Variants in PTPRD observed in about 807,000 individuals in gnomAD.
PTPRD encodes receptor-type tyrosine-protein phosphatase delta.
A neutral mutation model predicts 214.5 loss-of-function variants in PTPRD; 34 were observed. The observed-to-expected ratio is 0.16, with a 90% CI of 0.12 to 0.21. The LOEUF (loss-of-function observed/expected upper bound fraction) is 0.21, where lower values mean the gene tolerates loss of function less well. Among genes scored for constraint, PTPRD ranks in the 10% least tolerant of loss-of-function variants. The pLI is 1.00. For missense variants in PTPRD, 2,545 were observed against 2,398.7 expected, an observed-to-expected ratio of 1.06 and a Z score of -1.27; for synonymous variants, 1,128 against 845.7, an observed-to-expected ratio of 1.33 and a Z score of -5.79.
rs138388110 is a variant in PTPRD, at chr9:9,626,470, T to C, written c.-286-51689A>G. ...TTACCTCAGAACTACTGGGGGAAAA[T>C]CGATCTCAAATGGCTTCAAATATTG... On this transcript the variant is annotated intron_variant, in intron 7 of 45. Coordinates refer to ENST00000381196, the MANE Select transcript of PTPRD (RefSeq NM_002839.4). Among the ~76,000 whole-genome samples, 146 of 152,248 alleles carry C rather than the reference T, an allele frequency of 9.6e-4. 2 individuals are homozygous for C. In the East Asian group the frequency reaches 0.025, roughly 26 times the overall value.
chr9:9,398,854 C>G (rs1392250941), intron 8 of PTPRD, among the ~76,000 whole-genome samples: 1 of 151,972 alleles, frequency 6.6e-6, no homozygotes, highest in Non-Finnish European at 1.5e-5. Context: ...CTGGCATCAT[C>G]TTAGAAAAGA....
At chr9:9,443,978 C>G (rs79964932) in intron 8 of PTPRD, among the ~76,000 whole-genome samples, 1 of 152,240 alleles carries the variant, frequency 6.6e-6, no homozygotes, top group African/African-American at 2.4e-5. Flanking sequence ...GACAATTTTT[C>G]TAACTACAGT....
At chr9:9,493,896 C>T (rs2096047896) in intron 8 of PTPRD, among the ~76,000 whole-genome samples, 1 of 150,166 alleles carries the variant, frequency 6.7e-6, no homozygotes, top group Non-Finnish European at 1.5e-5. Context: ...AAAACCTAAA[C>T]TGAAAACCTT....
intron 4 of PTPRD, among the ~76,000 whole-genome samples, chr9:9,967,654 A>G (rs775565276): frequency 5.3e-5 from 8 of 152,190 alleles, no homozygotes; most frequent in Non-Finnish European, 1.2e-4. Context: ...TAAAAGTTGT[A>G]TTAGGATTAA....
chr9:9,693,624 A>T (rs2097315517), intron 7 of PTPRD, among the ~76,000 whole-genome samples: 1 of 152,158 alleles, frequency 6.6e-6, no homozygotes, highest in African/African-American at 2.4e-5. Flanking sequence ...ATGAATGTTA[A>T]TATATTTCTC....
intron 3 of PTPRD, among the ~76,000 whole-genome samples, chr9:10,035,709 C>G (rs945753930): frequency 6.6e-6 from 1 of 152,060 alleles, no homozygotes; most frequent in South Asian, 2.1e-4. Context: ...ACCAATCTTA[C>G]AGTCCATTTC....
At chr9:9,809,457 CG>C in intron 5 of PTPRD, among the ~76,000 whole-genome samples, 1 of 151,936 alleles carries the variant, frequency 6.6e-6, no homozygotes, top group Admixed American at 6.6e-5. Flanking sequence ...TTAGTAGAGA[CG>C]GGGTTTCACC....
At chr9:9,426,121 C>G (rs111341984) in intron 8 of PTPRD, among the ~76,000 whole-genome samples, 19 of 152,076 alleles carry the variant, frequency 1.2e-4, no homozygotes, top group African/African-American at 4.3e-4. Flanking sequence ...TCGCCTCACC[C>G]GGGAAGCACA....
chr9:8,380,556 T>G (rs1042379780), intron 37 of PTPRD, among the ~76,000 whole-genome samples: 1 of 152,222 alleles, frequency 6.6e-6, no homozygotes, highest in Non-Finnish European at 1.5e-5. Flanking sequence ...GAGCTTTCAT[T>G]TTTCTATAAT....
chr9:8,484,979 T>A (rs913327727), intron 29 of PTPRD, among the ~76,000 whole-genome samples: 1 of 152,166 alleles, frequency 6.6e-6, no homozygotes, highest in Admixed American at 6.5e-5. Flanking sequence ...TGTAAAAAGT[T>A]CAAGTTCAAA....
At chr9:10,442,096 T>G (rs556644225) in intron 2 of PTPRD, among the ~76,000 whole-genome samples, 1 of 151,864 alleles carries the variant, frequency 6.6e-6, no homozygotes, top group African/African-American at 2.4e-5. Context: ...TCTACAAATC[T>G]AGTTCTTGAG....
intron 6 of PTPRD, among the ~76,000 whole-genome samples, chr9:9,754,179 G>T (rs1000279493): frequency 1.3e-5 from 2 of 152,032 alleles, no homozygotes; most frequent in African/African-American, 4.8e-5. Flanking sequence ...CAGAATTAAT[G>T]ACAAGGGAAC....
chr9:8,481,975 G>A (rs62534027), intron 30 of PTPRD, among the ~76,000 whole-genome samples: 8,911 of 152,012 alleles, frequency 0.059, 372 homozygotes, highest in South Asian at 0.13. Flanking sequence ...TAGAGACGGG[G>A]TTTTGCCATT....
At chr9:9,661,808 G>C (rs1306912308) in intron 7 of PTPRD, among the ~76,000 whole-genome samples, 1 of 151,642 alleles carries the variant, frequency 6.6e-6, no homozygotes, top group Non-Finnish European at 1.5e-5. Flanking sequence ...AAGAGGAGGA[G>C]GGCTGGAAGA....
Position 9,481,915 on chromosome 9 carries a change from C to G in PTPRD, c.-236-84433G>C, listed in dbSNP as rs1445792607. Among the ~76,000 whole-genome samples the G allele has an allele frequency of 3.9e-5, 6 of 152,050 alleles. No homozygotes were observed. The South Asian group carries it at 8.3e-4, about 21-fold the overall frequency. On this transcript the variant is annotated intron_variant, in intron 8 of 45. Transcript: ENST00000381196. The stretch of plus-strand genomic sequence containing the variant: ...TTGCATTTTATCTAACCCAAAGAAT[C>G]TTAATAGATAAAAATTAATAAAATC...
intron 10 of PTPRD, among the ~76,000 whole-genome samples, chr9:9,027,378 T>C (rs900735624): frequency 6.6e-5 from 10 of 151,964 alleles, no homozygotes; most frequent in African/African-American, 2.4e-4. Context: ...ATGTACACTA[T>C]ACAAACACTG....
chr9:8,319,007 T>A (rs1474664088), intron 45 of PTPRD, among the ~76,000 whole-genome samples: 1 of 152,118 alleles, frequency 6.6e-6, no homozygotes, highest in East Asian at 1.9e-4. Flanking sequence ...CTTGTCACAG[T>A]AAGTTGCTTG....
At chr9:8,928,784 T>C (rs1417423810) in intron 11 of PTPRD, among the ~76,000 whole-genome samples, 5 of 152,174 alleles carry the variant, frequency 3.3e-5, no homozygotes, top group African/African-American at 9.7e-5. Flanking sequence ...CTTGAGGTAA[T>C]ATGGCCATTT....
In PTPRD at chr9:9,099,378, C is replaced by T. The variant is rs1179557125; in HGVS notation, c.-142-80643G>A. ...TATTACACACTAAAAATGGAATATA[C>T]GAAACTGCCTTGTGTATTGCTAATC... On this transcript the variant is annotated intron_variant, in intron 10 of 45. Coordinates refer to ENST00000381196, the MANE Select transcript of PTPRD (RefSeq NM_002839.4). 2.6e-5 allele frequency among the ~76,000 whole-genome samples: 4 copies of T among 152,242 alleles called. No homozygotes were observed. In the South Asian group the frequency reaches 6.2e-4, roughly 24 times the overall value.
Sources: allele counts gnomAD v4.1 joint callset (sites outside exome capture counted in the v4.1 genomes callset), GRCh38; gene constraint gnomAD v4.1.1; transcripts MANE v1.5; gene names NCBI Gene and HGNC (gene_info 2026-07-23, HGNC 2026-07-21).